Variants in NDUFA9 observed in about 807,000 individuals in gnomAD.
NDUFA9 encodes NADH dehydrogenase [ubiquinone] 1 alpha subcomplex subunit 9, mitochondrial.
NDUFA9 carries 23 observed loss-of-function variants against 45.9 expected under a neutral mutation model. The ratio of observed to expected loss-of-function variants is 0.50; its 90% CI spans 0.36 to 0.71. The LOEUF (loss-of-function observed/expected upper bound fraction) is 0.71, where lower values mean the gene tolerates loss of function less well. Among genes scored for constraint, NDUFA9 ranks in the 30% least tolerant of loss-of-function variants. The probability of loss-of-function intolerance (pLI) is 0.00; values close to 1 mark genes in which losing one functional copy is unlikely to be tolerated. For missense variants in NDUFA9, 466 were observed against 488.2 expected (o/e 0.95, Z 0.43); for synonymous variants, 176 against 170.5 (o/e 1.03, Z -0.25).
chr12:4,657,419 C>G (rs543786841), intron 3 of NDUFA9: 70 of 206,876 alleles, frequency 3.4e-4, no homozygotes, highest in Middle Eastern at 3.8e-3. Context: ...GACTTGGTTT[C>G]CTGGGTTTCT....
At chr12:4,650,910 A>G (rs2137459684) in intron 1 of NDUFA9, among the ~76,000 whole-genome samples, 1 of 152,298 alleles carries the variant, frequency 6.6e-6, no homozygotes, top group South Asian at 2.1e-4. Context: ...GGATCAGACA[A>G]TGGAGACCTT....
chr12:4,667,503 A>G, intron 6 of NDUFA9: 1 of 212,060 alleles, frequency 4.7e-6, no homozygotes, highest in Non-Finnish European at 9.4e-6. Context: ...ATTGTGAATA[A>G]TTTCTACTCT....
chr12:4,683,333 AAGG>A (rs759031275), intron 9 of NDUFA9, among the ~76,000 whole-genome samples: 10 of 152,224 alleles, frequency 6.6e-5, no homozygotes, highest in Non-Finnish European at 1.3e-4. Context: ...TGGTCTGGTT[AAGG>A]AGACTGTCAC....
intron 8 of NDUFA9, among the ~76,000 whole-genome samples, chr12:4,678,975 TTC>T (rs1236476759): frequency 6.6e-6 from 1 of 152,222 alleles, no homozygotes; most frequent in Admixed American, 6.5e-5. Flanking sequence ...CACTTGAATT[TTC>T]ATAGCAGCGT....
At chr12:4,654,709 A>T (rs1945779355) in intron 2 of NDUFA9, 116 bp from the exon 3 acceptor site, 7 of 999,826 alleles carry the variant, frequency 7.0e-6, no homozygotes, top group Non-Finnish European at 1.0e-5. Flanking sequence ...TCTTTTTGTC[A>T]AATATAATAT....
intron 3 of NDUFA9, 175 bp from the exon 4 acceptor site, chr12:4,657,573 A>G (rs1945797650): frequency 3.4e-6 from 2 of 584,112 alleles, no homozygotes; most frequent in East Asian, 5.8e-5. Context: ...TGAGGGAATC[A>G]GCAGGGAGTC....
chr12:4,681,589 A>G (rs1945952553), intron 8 of NDUFA9, among the ~76,000 whole-genome samples: 1 of 148,448 alleles, frequency 6.7e-6, no homozygotes, highest in African/African-American at 2.4e-5. Context: ...CATATATATA[A>G]TTATAATTTA....
intron 3 of NDUFA9, 192 bp from the exon 4 acceptor site, chr12:4,657,556 G>C: frequency 1.8e-6 from 1 of 558,152 alleles, no homozygotes; most frequent in Non-Finnish European, 3.2e-6. Flanking sequence ...GTTTGTCTCG[G>C]AAAGAGTGAG....
intron 1 of NDUFA9, among the ~76,000 whole-genome samples, chr12:4,649,981 C>T (rs1945747297): frequency 6.6e-6 from 1 of 152,230 alleles, no homozygotes; most frequent in South Asian, 2.1e-4. Context: ...CTCTACTCTT[C>T]CACAAACATA....
chr12:4,664,514 C>A (rs1198939710), intron 6 of NDUFA9, among the ~76,000 whole-genome samples: 1 of 152,228 alleles, frequency 6.6e-6, no homozygotes, highest in East Asian at 1.9e-4. Context: ...AAGGATGGGG[C>A]CATTGCCTCA....
chr12:4,657,631 C>T (rs967607064), intron 3 of NDUFA9, 117 bp from the exon 4 acceptor site: 23 of 707,202 alleles, frequency 3.3e-5, no homozygotes, highest in Non-Finnish European at 5.0e-5. Flanking sequence ...TGAAATGGCA[C>T]TATATTATGA....
At chr12:4,672,475 A>G (rs1945893288) in intron 8 of NDUFA9, among the ~76,000 whole-genome samples, 2 of 152,276 alleles carry the variant, frequency 1.3e-5, no homozygotes, top group Non-Finnish European at 2.9e-5. Flanking sequence ...GCAAGCTAAG[A>G]TCTACTGGCT....
chr12:4,659,744 C>G (rs1184381188), intron 5 of NDUFA9, among the ~76,000 whole-genome samples: 1 of 152,166 alleles, frequency 6.6e-6, no homozygotes, highest in East Asian at 1.9e-4. Context: ...ATCAGGGACG[C>G]AGAAGGGATA....
Position 4,691,887 on chromosome 12 carries a change from A to G in NDUFA9, c.*4779A>G, listed in dbSNP as rs1337960880. ...AAGGAAGAGTAAACATCTCATCCTT[A>G]TGACAGGAAGTAGTCCTGCAGCTTG... On this transcript the variant is annotated 3_prime_UTR_variant, in exon 11 of 11. Coordinates refer to ENST00000266544, the MANE Select transcript of NDUFA9 (RefSeq NM_005002.5). 6.6e-6 allele frequency: 1 copy of G among 151,938 alleles called. No individual in the cohort carries two copies. Among genetic ancestry groups the G allele is most frequent in the Non-Finnish European group, 1.5e-5 (1 of 68,014 alleles). 9.4% of individuals were successfully genotyped at this position (151,938 alleles called of 1,614,324 possible).
chr12:4,649,306 C>A, intron 1 of NDUFA9, 131 bp downstream of exon 1: 1 of 1,035,826 alleles, frequency 9.7e-7, no homozygotes, highest in Non-Finnish European at 1.4e-6. Flanking sequence ...AGGTTTGGAG[C>A]TGCCTCAGTC....
At chr12:4,656,573 G>A (rs1340942644) in intron 3 of NDUFA9, among the ~76,000 whole-genome samples, 1 of 152,192 alleles carries the variant, frequency 6.6e-6, no homozygotes, top group Non-Finnish European at 1.5e-5. Context: ...GGGGTGTGAG[G>A]TGCTGATTTC....
chr12:4,669,960 A>G, intron 8 of NDUFA9, 143 bp downstream of exon 8: 1 of 658,808 alleles, frequency 1.5e-6, no homozygotes, highest in Non-Finnish European at 2.7e-6. Flanking sequence ...AATTTGAGGG[A>G]ACCTGGAATC....
chr12:4,649,146 C>G lies in NDUFA9; in HGVS notation c.20C>G (p.Ser7Cys). 1 of 1,605,156 alleles carries G rather than the reference C, an allele frequency of 6.2e-7. No homozygotes were observed. The highest frequency in any genetic ancestry group is 8.5e-7 in the Non-Finnish European group (1 of 1,176,124). MAAAAQ[S>C]RVVRVLSMSR... ...GAAAAGATGGCGGCTGCCGCACAAT[C>G]CCGGGTTGTCCGGGTCCTGTCAATG... The change falls in exon 1 of 11, where the codon TCC becomes TGC. Residue 7 changes from serine to cysteine, a missense_variant. Physicochemically the swap from Ser to Cys is moderately radical, Grantham distance 112. Coordinates refer to ENST00000266544, the MANE Select transcript of NDUFA9 (RefSeq NM_005002.5).
chr12:4,665,033 C>T (rs898672281), intron 6 of NDUFA9, among the ~76,000 whole-genome samples: 1 of 152,194 alleles, frequency 6.6e-6, no homozygotes, highest in Non-Finnish European at 1.5e-5. Flanking sequence ...GGATGACCCA[C>T]ACCTTGAGTC....
Sources: gnomAD v4.1 joint callset for allele counts (sites outside exome capture counted in the v4.1 genomes callset) on GRCh38, gnomAD v4.1.1 for gene constraint, MANE v1.5 for transcripts, NCBI Gene and HGNC (gene_info 2026-07-23, HGNC 2026-07-21) for gene names.